Variants in CYP2J2 observed in about 807,000 individuals in gnomAD.
CYP2J2 encodes cytochrome P450 2J2.
A neutral mutation model predicts 48.8 loss-of-function variants in CYP2J2; 41 were observed. That is an observed-to-expected ratio of 0.84 (90% confidence interval 0.66 to 1.09). CYP2J2 has a LOEUF of 1.09. CYP2J2 is among the 50% of genes least tolerant of loss of function. The pLI is 0.00. For missense variants in CYP2J2, 644 were observed against 617.3 expected, an observed-to-expected ratio of 1.04 and a Z score of -0.46; for synonymous variants, 221 against 227.1, an observed-to-expected ratio of 0.97 and a Z score of 0.24.
rs909169635 is a variant in CYP2J2, at chr1:59,893,610, A to G, written c.*41T>C. 11 of 1,484,214 alleles carry G rather than the reference A, an allele frequency of 7.4e-6. 1 individual carries two copies. The Middle Eastern group carries it at 7.5e-4, about 101-fold the overall frequency. The allele number at this position is 1,484,214 out of a possible 1,614,324, so 91.9% of individuals were successfully genotyped here. ...CACCAGTGGTTTCAGAACACGTGCC[A>G]TGTCTTCTTACTTTCCTTGCCCCTT... is the stretch of plus-strand genomic sequence containing the variant. On this transcript the variant is annotated 3_prime_UTR_variant, in exon 9 of 9. Coordinates refer to ENST00000371204, the MANE Select transcript of CYP2J2 (RefSeq NM_000775.4).
the CYP2J2 span, among the ~76,000 whole-genome samples, chr1:59,964,749 C>T: frequency 6.6e-6 from 1 of 152,228 alleles, no homozygotes; most frequent in Non-Finnish European, 1.5e-5. Flanking sequence ...AGTTTCATTA[C>T]AACCTTTCAG....
At chr1:59,947,085 C>T in the CYP2J2 span, among the ~76,000 whole-genome samples, 1 of 152,138 alleles carries the variant, frequency 6.6e-6, no homozygotes, top group South Asian at 2.1e-4. Context: ...CTCATGCAGT[C>T]TCCTGACCTG....
chr1:59,915,898 C>G (rs947461057), intron 2 of CYP2J2, 40 bp downstream of exon 2: 1 of 1,594,292 alleles, frequency 6.3e-7, no homozygotes, highest in East Asian at 2.2e-5. Context: ...ATAGGACTAT[C>G]AACATCAAAC....
chr1:59,939,304 G>C, the CYP2J2 span, among the ~76,000 whole-genome samples: 2 of 152,210 alleles, frequency 1.3e-5, no homozygotes, highest in Admixed American at 6.5e-5. Context: ...AGCGCCCCAA[G>C]CCCAGTAACA....
At chr1:59,964,606 GCCA>G in the CYP2J2 span, among the ~76,000 whole-genome samples, 1 of 152,130 alleles carries the variant, frequency 6.6e-6, no homozygotes, top group East Asian at 1.9e-4. Flanking sequence ...CTCATTGTTG[GCCA>G]CCAATTGGAC....
chr1:59,950,115 A>G, the CYP2J2 span, among the ~76,000 whole-genome samples: 2 of 151,984 alleles, frequency 1.3e-5, no homozygotes, highest in South Asian at 2.1e-4. Flanking sequence ...TATTATTAGC[A>G]CTCCAGCTAA....
At chr1:59,916,737 T>C (rs117243926) in intron 1 of CYP2J2, among the ~76,000 whole-genome samples, 1 of 152,160 alleles carries the variant, frequency 6.6e-6, no homozygotes, top group East Asian at 1.9e-4. Flanking sequence ...TGTCTCAATA[T>C]ATAGACATAG....
At chr1:59,915,861 C>T in intron 2 of CYP2J2, 77 bp downstream of exon 2, 1 of 1,379,618 alleles carries the variant, frequency 7.2e-7, no homozygotes, top group Non-Finnish European at 9.7e-7. Context: ...TGGAAAATTA[C>T]AGTCACCAAG....
the CYP2J2 span, among the ~76,000 whole-genome samples, chr1:59,940,560 A>G: frequency 2.0e-5 from 3 of 152,256 alleles, no homozygotes; most frequent in African/African-American, 7.2e-5. Context: ...GAGATTTCAC[A>G]AAGAACTAAA....
chr1:59,949,997 T>C, the CYP2J2 span, among the ~76,000 whole-genome samples: 9 of 152,146 alleles, frequency 5.9e-5, no homozygotes, highest in Admixed American at 4.6e-4. Flanking sequence ...GGTGAAAACT[T>C]TTGGGAATGG....
At chr1:59,937,469 T>C in the CYP2J2 span, among the ~76,000 whole-genome samples, 1 of 152,092 alleles carries the variant, frequency 6.6e-6, no homozygotes, top group East Asian at 1.9e-4. Context: ...GAGTAATTAG[T>C]GTTAGCCATA....
the CYP2J2 span, among the ~76,000 whole-genome samples, chr1:59,935,029 T>TATATATATATATATACATATATAA: frequency 9.9e-6 from 1 of 100,918 alleles, no homozygotes; most frequent in Non-Finnish European, 2.1e-5. Flanking sequence ...TATATATATA[T>TATATATATATATATACATATATAA]ATATATATAT....
intron 1 of CYP2J2, among the ~76,000 whole-genome samples, chr1:59,925,373 A>G (rs918028209): frequency 6.6e-6 from 1 of 152,186 alleles, no homozygotes; most frequent in Non-Finnish European, 1.5e-5. Context: ...ATAGTCAAAT[A>G]CATATTTTTT....
the CYP2J2 span, among the ~76,000 whole-genome samples, chr1:59,956,954 G>A: frequency 8.7e-3 from 1,329 of 152,092 alleles, 16 homozygotes; most frequent in African/African-American, 0.03. Flanking sequence ...CCACTAAAGT[G>A]ACCCATGTGG....
chr1:59,950,954 AC>A, the CYP2J2 span, among the ~76,000 whole-genome samples: 16 of 152,254 alleles, frequency 1.1e-4, no homozygotes, highest in East Asian at 1.9e-4. Context: ...CTGAGCCTGG[AC>A]CAGCATAGCA....
At chr1:59,897,508 C>G (rs1644279832) in intron 8 of CYP2J2, among the ~76,000 whole-genome samples, 1 of 152,124 alleles carries the variant, frequency 6.6e-6, no homozygotes, top group African/African-American at 2.4e-5. Flanking sequence ...AAGCTTTGGC[C>G]TGGAAGAAAG....
chr1:59,966,540 C>T, the CYP2J2 span, among the ~76,000 whole-genome samples: 1 of 152,172 alleles, frequency 6.6e-6, no homozygotes, highest in Non-Finnish European at 1.5e-5. Flanking sequence ...GGTGTTCTTT[C>T]CACTTTATGA....
the CYP2J2 span, among the ~76,000 whole-genome samples, chr1:59,943,013 T>C: frequency 1.3e-5 from 2 of 152,154 alleles, no homozygotes; most frequent in Non-Finnish European, 2.9e-5. Flanking sequence ...TGGGTGGTGG[T>C]GCTATTTGTT....
chr1:59,926,601 C>A lies in CYP2J2; in HGVS notation c.146G>T (p.Arg49Leu). ...GAAGAAGTTGCCAAGGAAGGGCAGG[C>A]GCCAGGGCCCCGGCGGGTAGTTCTT... ...RPKNYPPGPWRLPFLGNFFLV... is the reference protein window; with the variant it reads ...RPKNYPPGPWLLPFLGNFFLV... The change falls in exon 1 of 9, where the codon CGC becomes CTC. Residue 49 changes from arginine to leucine, a missense_variant. Physicochemically the swap from Arg to Leu is moderately radical, Grantham distance 102. Transcript: ENST00000371204. 2 of 1,614,232 alleles carry A rather than the reference C, an allele frequency of 1.2e-6. No homozygotes were observed. Among genetic ancestry groups the A allele is most frequent in the South Asian group, 2.2e-5 (2 of 91,090 alleles).
Sources: gnomAD v4.1 joint callset for allele counts (sites outside exome capture counted in the v4.1 genomes callset) on GRCh38, gnomAD v4.1.1 for gene constraint, MANE v1.5 for transcripts, NCBI Gene and HGNC (gene_info 2026-07-23, HGNC 2026-07-21) for gene names.